Variants in TMEM156 observed in about 807,000 individuals in gnomAD.
The protein encoded by TMEM156 is transmembrane protein 156.
Under a neutral mutation model 30.5 loss-of-function variants are expected in TMEM156, and 28 were observed. The ratio of observed to expected loss-of-function variants is 0.92; its 90% confidence interval spans 0.68 to 1.26. TMEM156 has a LOEUF of 1.26. Among genes scored for constraint, TMEM156 ranks in the 50% most tolerant of loss-of-function variants. The probability of loss-of-function intolerance (pLI) is 0.00; values close to 1 mark genes in which losing one functional copy is unlikely to be tolerated. For missense variants in TMEM156, 351 were observed against 340.6 expected (o/e 1.03, Z -0.24); for synonymous variants, 137 against 119.9 (o/e 1.14, Z -0.93).
intron 1 of TMEM156, among the ~76,000 whole-genome samples, chr4:39,015,168 C>G (rs1714395622): frequency 6.6e-6 from 1 of 152,140 alleles, no homozygotes; most frequent in South Asian, 2.1e-4. Flanking sequence ...ACATTAGTTA[C>G]TTGTACCTTC....
intron 1 of TMEM156, among the ~76,000 whole-genome samples, chr4:39,016,926 TGAAG>T (rs1714525374): frequency 6.6e-6 from 1 of 152,048 alleles, no homozygotes; most frequent in South Asian, 2.1e-4. Context: ...TGGCAGAAGA[TGAAG>T]GAAGAGCAAA....
rs1722367077 is a variant in TMEM156 at position 38,966,806 on chromosome 4, T to TTA, written c.*873_*874insTA. Reference sequence around the variant, plus strand: ...CGTTTTATTGGTATCTTTGATTTTTTTTTTTTTTTTTTTTTGAGACAGAGT... The same window carrying TTA: ...CGTTTTATTGGTATCTTTGATTTTTTTATTTTTTTTTTTTTTTGAGACAGAGT... On this transcript the variant is annotated 3_prime_UTR_variant, in exon 7 of 7. Transcript: ENST00000381938. The TTA allele has an allele frequency of 6.9e-6, 1 of 144,786 alleles. No homozygotes were observed. The highest frequency in any genetic ancestry group is 2.7e-5 in the African/African-American group (1 of 36,632). The allele number at this position is 144,786 out of a possible 1,614,324, so 9.0% of individuals were successfully genotyped here.
intron 1 of TMEM156, among the ~76,000 whole-genome samples, chr4:39,017,370 G>A (rs898076988): frequency 1.3e-4 from 19 of 151,510 alleles, no homozygotes; most frequent in African/African-American, 3.6e-4. Flanking sequence ...TAGTAGAGAC[G>A]GGGTTTCATC....
chr4:38,987,274 G>A (rs533384552), intron 4 of TMEM156, among the ~76,000 whole-genome samples: 32 of 152,198 alleles, frequency 2.1e-4, no homozygotes, highest in African/African-American at 7.5e-4. Context: ...TGCAGCTTTG[G>A]ATAAACACTT....
chr4:38,974,278 C>T (rs1722746510), intron 5 of TMEM156, among the ~76,000 whole-genome samples: 1 of 148,940 alleles, frequency 6.7e-6, no homozygotes, highest in Admixed American at 6.7e-5. Flanking sequence ...CATCATGGCT[C>T]ACTGCAGCCT....
intron 3 of TMEM156, among the ~76,000 whole-genome samples, chr4:38,993,400 C>G (rs1387068358): frequency 6.6e-6 from 1 of 151,992 alleles, no homozygotes; most frequent in Non-Finnish European, 1.5e-5. Flanking sequence ...TCACTGCACT[C>G]CAGCCTGGGC....
chr4:38,971,182 CAA>C, intron 5 of TMEM156, 45 bp from the exon 6 acceptor site: 1 of 1,539,148 alleles, frequency 6.5e-7, no homozygotes. Flanking sequence ...TAGTAAATAG[CAA>C]AAAGAGACAG....
At chr4:38,992,972 A>G (rs577431987) in intron 3 of TMEM156, among the ~76,000 whole-genome samples, 270 of 151,022 alleles carry the variant, frequency 1.8e-3, no homozygotes, top group Non-Finnish European at 2.6e-3. Context: ...TGTGTTAGCC[A>G]GGATGGTCTC....
chr4:39,020,342 A>G (rs541111985), intron 1 of TMEM156, among the ~76,000 whole-genome samples: 2 of 152,082 alleles, frequency 1.3e-5, no homozygotes, highest in East Asian at 3.9e-4. Flanking sequence ...AGATCCTTTG[A>G]CACACTGATT....
In TMEM156 at chr4:39,006,472, G is replaced by A. The variant is rs59383075; in HGVS notation, c.89-7563C>T. Among the ~76,000 whole-genome samples the A allele has an allele frequency of 4.9e-3, 746 of 152,026 alleles. 3 individuals are homozygous for A. Among genetic ancestry groups the A allele is most frequent in the African/African-American group, 0.011 (465 of 41,480 alleles). On this transcript the variant is annotated intron_variant, in intron 1 of 6. Transcript: ENST00000381938. ...ATTTTTTTTGATCTTTCAGTTAAAG[G>A]GAGCTCTTAATGTAGTGAATTTATC...
intron 5 of TMEM156, among the ~76,000 whole-genome samples, chr4:38,974,994 T>C (rs1235593357): frequency 1.3e-5 from 2 of 152,070 alleles, no homozygotes; most frequent in South Asian, 2.1e-4. Flanking sequence ...AAAATTAAGA[T>C]AGTAACTACT....
intron 1 of TMEM156, among the ~76,000 whole-genome samples, chr4:39,014,981 C>G (rs1032437166): frequency 1.3e-5 from 2 of 152,058 alleles, no homozygotes; most frequent in African/African-American, 2.4e-5. Context: ...GATTAAAAAC[C>G]ATGGACTGAG....
Position 38,993,957 on chromosome 4 carries a change from A to G in TMEM156, c.400T>C (p.Phe134Leu), listed in dbSNP as rs1712740921. 1.9e-6 allele frequency: 3 copies of G among 1,613,894 alleles called. No individual in the cohort carries two copies. The highest frequency in any genetic ancestry group is 1.7e-5 in the Admixed American group (1 of 59,992). The change falls in exon 3 of 7, where the codon TTT becomes CTT. Residue 134 changes from phenylalanine to leucine, a missense_variant. Phe to Leu is a conservative substitution (Grantham distance 22). Coordinates refer to ENST00000381938, the MANE Select transcript of TMEM156 (RefSeq NM_024943.3). ...TTAAAGTGCTGACAAGGTGAATGAA[A>G]ATCATTTGCTTTCACTTCCATTGAT... ...RGSMEVKANDFHSPCQHFNFS... is the reference protein window; with the variant it reads ...RGSMEVKANDLHSPCQHFNFS...
At chr4:38,999,918 G>A (rs1022111373) in intron 1 of TMEM156, among the ~76,000 whole-genome samples, 1 of 152,162 alleles carries the variant, frequency 6.6e-6, no homozygotes, top group African/African-American at 2.4e-5. Flanking sequence ...CTTATAAGGT[G>A]ACATTGACAG....
chr4:39,021,592 G>GT (rs542996442), intron 1 of TMEM156, among the ~76,000 whole-genome samples: 6 of 151,990 alleles, frequency 3.9e-5, no homozygotes, highest in Admixed American at 3.9e-4. Flanking sequence ...CTCTCATTCC[G>GT]TAAGTTTCTT....
At chr4:39,003,129 G>A (rs1713494105) in intron 1 of TMEM156, among the ~76,000 whole-genome samples, 1 of 151,974 alleles carries the variant, frequency 6.6e-6, no homozygotes, top group East Asian at 1.9e-4. Flanking sequence ...TGATATTAAA[G>A]CATTTTTAAA....
rs960213530 is a variant in TMEM156, at chr4:39,018,978, G to A, written c.88+13248C>T. 7.6e-4 allele frequency among the ~76,000 whole-genome samples: 110 copies of A among 145,122 alleles called. 2 individuals carry two copies. Among genetic ancestry groups the A allele is most frequent in the African/African-American group, 2.6e-3 (100 of 37,840 alleles). The stretch of plus-strand genomic sequence containing the variant: ...AAATGTTGCAGTGAGCCAAGATCAC[G>A]CCACTGCACTCCAGCCTGGGCGACA... On this transcript the variant is annotated intron_variant, in intron 1 of 6. Coordinates refer to ENST00000381938, the MANE Select transcript of TMEM156 (RefSeq NM_024943.3).
chr4:39,017,747 A>G (rs1422877427), intron 1 of TMEM156, among the ~76,000 whole-genome samples: 1 of 152,188 alleles, frequency 6.6e-6, no homozygotes, highest in East Asian at 1.9e-4. Flanking sequence ...ACTTCTATCC[A>G]TATATCCTGA....
chr4:38,994,957 C>A (rs74976803), intron 2 of TMEM156, among the ~76,000 whole-genome samples: 27 of 151,888 alleles, frequency 1.8e-4, no homozygotes, highest in East Asian at 7.7e-4. Context: ...AAGAAAAGAA[C>A]AGAAGTTTGT....
Sources: gnomAD v4.1 joint callset for allele counts (sites outside exome capture counted in the v4.1 genomes callset) on GRCh38, gnomAD v4.1.1 for gene constraint, MANE v1.5 for transcripts, NCBI Gene and HGNC (gene_info 2026-07-23, HGNC 2026-07-21) for gene names.